Variants in ANO4 observed in about 807,000 individuals in gnomAD.
The protein encoded by ANO4 is anoctamin 4, also known as anoctamin-4.
Under a neutral mutation model 141.9 loss-of-function variants are expected in ANO4, and 69 were observed. The observed-to-expected ratio is 0.49, with a 90% CI of 0.40 to 0.59. ANO4 has a LOEUF of 0.59. ANO4 is among the 20% of genes least tolerant of loss of function. ANO4 has a pLI of 0.00. For synonymous variants in ANO4, 350 were observed against 394.3 expected, an observed-to-expected ratio of 0.89 and a Z score of 1.33; for missense variants, 894 against 1,162.2, an observed-to-expected ratio of 0.77 and a Z score of 3.36.
intron 1 of ANO4, among the ~76,000 whole-genome samples, chr12:100,826,615 C>A (rs2036358229): frequency 6.6e-6 from 1 of 151,872 alleles, no homozygotes; most frequent in South Asian, 2.1e-4. Flanking sequence ...CGCAATGGCC[C>A]TGTTCCTTTA....
At chr12:100,935,530 A>T (rs2042251356) in intron 3 of ANO4, among the ~76,000 whole-genome samples, 1 of 152,208 alleles carries the variant, frequency 6.6e-6, no homozygotes, top group Admixed American at 6.5e-5. Context: ...TAATTATCAA[A>T]CATTTTTCTA....
rs1396878611 is a variant in ANO4 at position 100,738,675 on chromosome 12, T to C, written c.107-1179T>C. Among the ~76,000 whole-genome samples the C allele has an allele frequency of 2.0e-5, 3 of 152,034 alleles. No homozygotes were observed. In the East Asian group the frequency reaches 5.8e-4, roughly 29 times the overall value. The stretch of plus-strand genomic sequence containing the variant: ...AGTGTTTATGATGAATCAGATACTA[T>C]ATATTTATATATTTAACCGCATATA... On this transcript the variant is annotated intron_variant, in intron 2 of 29. Coordinates refer to the ANO4 transcript ENST00000644049.
At chr12:100,722,891 A>T (rs896833761) in intron 1 of ANO4, among the ~76,000 whole-genome samples, 20 of 152,154 alleles carry the variant, frequency 1.3e-4, no homozygotes, top group African/African-American at 3.9e-4. Context: ...GAATAAAAGC[A>T]TCCAGACTAC....
intron 1 of ANO4, among the ~76,000 whole-genome samples, chr12:100,835,608 C>G (rs1198078647): frequency 6.6e-6 from 1 of 152,088 alleles, no homozygotes; most frequent in Non-Finnish European, 1.5e-5. Context: ...TATTTTACTG[C>G]AATTTAGGGG....
intron 1 of ANO4, among the ~76,000 whole-genome samples, chr12:100,891,419 A>G (rs1274893097): frequency 6.6e-6 from 1 of 152,144 alleles, no homozygotes; most frequent in African/African-American, 2.4e-5. Context: ...AAGTGGCCAT[A>G]CCATTTTGTA....
intron 4 of ANO4, 42 bp from the exon 5 acceptor site, chr12:100,942,335 T>G (rs747691032): frequency 6.3e-7 from 1 of 1,584,466 alleles, no homozygotes; most frequent in African/African-American, 1.4e-5. Flanking sequence ...GAACCTCAAT[T>G]TGATGAATGA....
intron 2 of ANO4, among the ~76,000 whole-genome samples, chr12:100,914,601 AT>A (rs777785349): frequency 1.3e-5 from 2 of 152,202 alleles, no homozygotes; most frequent in African/African-American, 2.4e-5. Flanking sequence ...CAAAAAAAGG[AT>A]TTTGGTAAGT....
intron 14 of ANO4, among the ~76,000 whole-genome samples, chr12:101,054,991 C>T (rs569998812): frequency 6.6e-6 from 1 of 152,308 alleles, no homozygotes; most frequent in South Asian, 2.1e-4. Context: ...TTGCCTGTGT[C>T]AGTAGCTGGT....
chr12:100,804,314 G>A (rs1174890709), intron 1 of ANO4, among the ~76,000 whole-genome samples: 1 of 152,120 alleles, frequency 6.6e-6, no homozygotes, highest in Non-Finnish European at 1.5e-5. Context: ...GCATTCCATG[G>A]TATATATATA....
chr12:100,942,640 T>A (rs907585039), intron 5 of ANO4, 105 bp downstream of exon 5: 14 of 1,251,156 alleles, frequency 1.1e-5, no homozygotes, highest in Non-Finnish European at 1.5e-5. Context: ...ACATTTCATT[T>A]GGTCAGAGTT....
chr12:100,922,132 C>T, intron 2 of ANO4, 94 bp from the exon 3 acceptor site: 1 of 767,844 alleles, frequency 1.3e-6, no homozygotes, highest in Non-Finnish European at 1.9e-6. Flanking sequence ...GCTAGCCATT[C>T]ACTTTGGATT....
At chr12:100,847,692 C>T (rs911281342) in intron 1 of ANO4, among the ~76,000 whole-genome samples, 6 of 152,084 alleles carry the variant, frequency 3.9e-5, no homozygotes, top group South Asian at 4.2e-4. Flanking sequence ...AGGATGGTCT[C>T]GATCTCCTGA....
intron 1 of ANO4, among the ~76,000 whole-genome samples, chr12:100,733,013 C>G (rs915446669): frequency 6.6e-6 from 1 of 152,176 alleles, no homozygotes; most frequent in African/African-American, 2.4e-5. Context: ...CACTGCCACT[C>G]CTCCCATGGT....
chr12:101,041,059 A>G lies in ANO4; in HGVS notation c.1019+983A>G, dbSNP rs777546597. 3.9e-5 allele frequency among the ~76,000 whole-genome samples: 6 copies of G among 151,966 alleles called. No homozygotes were observed. In the South Asian group the frequency reaches 6.2e-4, roughly 16 times the overall value. On this transcript the variant is annotated intron_variant, in intron 11 of 27. Transcript: ENST00000392977. ...GGCAGCATTATTCTCTGACATCTCTATTTATTTAGAGGCTGGTTATTAAGA... is the reference window on the plus strand; with the variant it reads ...GGCAGCATTATTCTCTGACATCTCTGTTTATTTAGAGGCTGGTTATTAAGA...
chr12:100,891,655 T>G (rs7135502), intron 1 of ANO4, among the ~76,000 whole-genome samples: 2,908 of 152,312 alleles, frequency 0.019, 88 homozygotes, highest in African/African-American at 0.065. Context: ...AAATTGTATA[T>G]GTTTATCATT....
At chr12:100,883,551 C>T (rs951308466) in intron 1 of ANO4, among the ~76,000 whole-genome samples, 2 of 152,222 alleles carry the variant, frequency 1.3e-5, no homozygotes, top group South Asian at 2.1e-4. Context: ...TAAGTGGCCT[C>T]TTGTACGTGC....
intron 1 of ANO4, among the ~76,000 whole-genome samples, chr12:100,897,907 C>G (rs892355262): frequency 1.6e-4 from 24 of 152,154 alleles, no homozygotes; most frequent in African/African-American, 5.3e-4. Flanking sequence ...CCAATCTGTC[C>G]CCCACCCAGG....
intron 3 of ANO4, among the ~76,000 whole-genome samples, chr12:100,757,919 A>G (rs2032684604): frequency 2.6e-5 from 4 of 152,232 alleles, no homozygotes; most frequent in Admixed American, 1.3e-4. Flanking sequence ...CCCATCTGCT[A>G]TGATCAATTT....
intron 5 of ANO4, among the ~76,000 whole-genome samples, chr12:100,964,538 T>C (rs1299966769): frequency 1.3e-5 from 2 of 152,148 alleles, no homozygotes; most frequent in Non-Finnish European, 2.9e-5. Flanking sequence ...CCCCAGAATT[T>C]TAGAGTTTTG....
Sources: gnomAD v4.1 joint callset for allele counts (sites outside exome capture counted in the v4.1 genomes callset) on GRCh38, gnomAD v4.1.1 for gene constraint, MANE v1.5 for transcripts, NCBI Gene and HGNC (gene_info 2026-07-23, HGNC 2026-07-21) for gene names.